The following CNTN5 variants were observed in gnomAD, a reference collection of about 807,000 sequenced individuals.
The protein encoded by CNTN5 is contactin-5.
CNTN5 carries 77 observed loss-of-function variants against 129.1 expected under a neutral mutation model. The ratio of observed to expected loss-of-function variants is 0.60; its 90% CI spans 0.50 to 0.72. CNTN5 has a LOEUF of 0.72. Among genes scored for constraint, CNTN5 ranks in the 30% least tolerant of loss-of-function variants. The pLI, the probability that CNTN5 is intolerant of heterozygous loss-of-function variation, is 0.00. For synonymous variants in CNTN5, 509 were observed against 465.6 expected, an observed-to-expected ratio of 1.09 and a Z score of -1.20; for missense variants, 1,478 against 1,328.8, an observed-to-expected ratio of 1.11 and a Z score of -1.75.
chr11:99,803,125 A>G (rs1946164131), intron 3 of CNTN5, among the ~76,000 whole-genome samples: 3 of 152,162 alleles, frequency 2.0e-5, no homozygotes, highest in Admixed American at 6.5e-5. Context: ...GTGTCCAGAA[A>G]GGACGGGGTG....
intron 9 of CNTN5, among the ~76,000 whole-genome samples, chr11:100,040,186 C>A (rs1469442394): frequency 6.6e-6 from 1 of 152,120 alleles, no homozygotes; most frequent in Non-Finnish European, 1.5e-5. Context: ...TTCCTTCTAA[C>A]AGACAGGACC....
chr11:99,040,804 A>G (rs1721429418), intron 1 of CNTN5, among the ~76,000 whole-genome samples: 1 of 152,144 alleles, frequency 6.6e-6, no homozygotes, highest in South Asian at 2.1e-4. Flanking sequence ...AGAGTTGCAT[A>G]TTTGTGTATG....
At chr11:99,880,341 GAAATAGTACTCATAGAATAAGA>G in intron 6 of CNTN5, among the ~76,000 whole-genome samples, 1 of 152,064 alleles carries the variant, frequency 6.6e-6, no homozygotes, top group East Asian at 1.9e-4. Flanking sequence ...CATAGAATAA[GAAATAGTACTCATAGAATAAGA>G]AAATAGTACT....
At chr11:99,557,383 G>A (rs1335312143) in intron 3 of CNTN5, among the ~76,000 whole-genome samples, 1 of 151,002 alleles carries the variant, frequency 6.6e-6, no homozygotes, top group Admixed American at 6.6e-5. Flanking sequence ...CACTAATATT[G>A]CCTCATCTTC....
intron 9 of CNTN5, among the ~76,000 whole-genome samples, chr11:100,027,557 A>T (rs1941487725): frequency 6.6e-6 from 1 of 152,194 alleles, no homozygotes; most frequent in African/African-American, 2.4e-5. Context: ...TTCCTATTTT[A>T]AAATAGTTTT....
intron 13 of CNTN5, among the ~76,000 whole-genome samples, chr11:100,124,210 A>C (rs530945879): frequency 8.5e-5 from 13 of 152,200 alleles, no homozygotes; most frequent in African/African-American, 3.1e-4. Flanking sequence ...TGAAGTAAGC[A>C]ACAAAGACAG....
chr11:99,641,935 G>A (rs552026319), intron 3 of CNTN5, among the ~76,000 whole-genome samples: 2 of 152,242 alleles, frequency 1.3e-5, no homozygotes, highest in East Asian at 3.9e-4. Flanking sequence ...TCAGTTGAGG[G>A]TTGCCAGGAC....
chr11:99,790,682 A>G (rs1565536005), intron 3 of CNTN5, among the ~76,000 whole-genome samples: 1 of 152,124 alleles, frequency 6.6e-6, no homozygotes, highest in Non-Finnish European at 1.5e-5. Context: ...CCTGGAGTAT[A>G]TACCCAATAA....
intron 2 of CNTN5, among the ~76,000 whole-genome samples, chr11:99,411,770 A>G (rs1347023262): frequency 6.6e-6 from 1 of 152,170 alleles, no homozygotes; most frequent in African/African-American, 2.4e-5. Flanking sequence ...GCCATGCACT[A>G]TTTGTTTAAA....
intron 3 of CNTN5, among the ~76,000 whole-genome samples, chr11:99,706,022 T>C (rs892013883): frequency 6.6e-6 from 1 of 151,532 alleles, no homozygotes; most frequent in Non-Finnish European, 1.5e-5. Context: ...CTTAAAAATA[T>C]ATATTAATCA....
chr11:99,841,076 G>A (rs1386751387), intron 4 of CNTN5, among the ~76,000 whole-genome samples: 1 of 152,104 alleles, frequency 6.6e-6, no homozygotes, highest in East Asian at 1.9e-4. Flanking sequence ...GGGAGCCACT[G>A]TTTAACTTGG....
intron 8 of CNTN5, among the ~76,000 whole-genome samples, chr11:99,991,188 C>T (rs897905738): frequency 1.4e-4 from 22 of 152,198 alleles, no homozygotes; most frequent in African/African-American, 5.3e-4. Flanking sequence ...TGGTTACAGG[C>T]CAGGCGTGGT....
At chr11:99,708,993 T>A (rs1591511872) in intron 3 of CNTN5, among the ~76,000 whole-genome samples, 1 of 151,848 alleles carries the variant, frequency 6.6e-6, no homozygotes, top group East Asian at 1.9e-4. Context: ...TCCTTGCTAA[T>A]CCATTGGTTT....
intron 16 of CNTN5, among the ~76,000 whole-genome samples, chr11:100,228,732 G>C (rs1048092788): frequency 1.3e-5 from 2 of 152,270 alleles, no homozygotes; most frequent in Non-Finnish European, 2.9e-5. Flanking sequence ...AGGAAGCTGA[G>C]GTCTCAGCCC....
Position 100,341,151 on chromosome 11 carries a change from G to C in CNTN5, c.2976G>C (p.Leu992=), listed in dbSNP as rs1431034812. The change falls in exon 23 of 25, where the codon CTG becomes CTC. Residue 992 remains leucine (L), a synonymous_variant. Coordinates refer to ENST00000524871, the MANE Select transcript of CNTN5 (RefSeq NM_014361.4). ...AGCAGCAAGGCTCTCAGGTTTCTCT[G>C]GGCTGGGAACCCGTCATACCATTAG... ...RWEQQGSQVS[L]GWEPVIPLAN... 2 of 1,613,846 alleles carry C rather than the reference G, an allele frequency of 1.2e-6. No individual in the cohort carries two copies. The highest frequency in any genetic ancestry group is 3.3e-5 in the Admixed American group (2 of 60,014).
intron 13 of CNTN5, among the ~76,000 whole-genome samples, chr11:100,159,836 G>A (rs1947381137): frequency 6.6e-6 from 1 of 151,240 alleles, no homozygotes; most frequent in South Asian, 2.1e-4. Context: ...ATAATCTAGA[G>A]TGATTGATAG....
chr11:99,196,041 TA>T (rs1344109086), intron 1 of CNTN5, among the ~76,000 whole-genome samples: 3 of 151,786 alleles, frequency 2.0e-5, no homozygotes, highest in Admixed American at 2.0e-4. Context: ...AAACCATGAA[TA>T]CCAGGGAATT....
chr11:99,840,979 G>T (rs1309921044), intron 4 of CNTN5, among the ~76,000 whole-genome samples: 1 of 152,048 alleles, frequency 6.6e-6, no homozygotes, highest in Non-Finnish European at 1.5e-5. Flanking sequence ...GATTATCTTT[G>T]CTGGGGACTG....
intron 6 of CNTN5, among the ~76,000 whole-genome samples, chr11:99,904,126 T>A (rs1949431843): frequency 6.6e-6 from 1 of 152,160 alleles, no homozygotes; most frequent in Non-Finnish European, 1.5e-5. Flanking sequence ...TAATTTTGTA[T>A]CTTATATATG....
Sources: gnomAD v4.1 joint callset for allele counts (sites outside exome capture counted in the v4.1 genomes callset) on GRCh38, gnomAD v4.1.1 for gene constraint, MANE v1.5 for transcripts, NCBI Gene and HGNC (gene_info 2026-07-23, HGNC 2026-07-21) for gene names.